The following PGR variants were observed in gnomAD, a reference collection of about 807,000 sequenced individuals.
PGR encodes progesterone receptor.
PGR carries 25 observed loss-of-function variants against 76.1 expected under a neutral mutation model. The ratio of observed to expected loss-of-function variants is 0.33; its 90% CI spans 0.24 to 0.46. The LOEUF (loss-of-function observed/expected upper bound fraction) is 0.46, where lower values mean the gene tolerates loss of function less well. Among genes scored for constraint, PGR ranks in the 20% least tolerant of loss-of-function variants. The probability of loss-of-function intolerance (pLI) is 1.00; values close to 1 mark genes in which losing one functional copy is unlikely to be tolerated. For missense variants in PGR, 1,172 were observed against 1,225.3 expected (o/e 0.96, Z 0.65); for synonymous variants, 579 against 535.0 (o/e 1.08, Z -1.14).
chr11:101,039,030 A>G lies in PGR; in HGVS notation c.*86T>C, dbSNP rs1447205825. 2.1e-6 allele frequency: 2 copies of G among 975,474 alleles called. No homozygotes were observed. The highest frequency in any genetic ancestry group is 3.2e-6 in the Non-Finnish European group (2 of 622,960). 60.4% of individuals were successfully genotyped at this position (975,474 alleles called of 1,614,324 possible). A position where few individuals can be genotyped will look rare whatever the true frequency, so the allele number is the denominator to read the frequency against. On this transcript the variant is annotated 3_prime_UTR_variant, in exon 8 of 8. Coordinates refer to ENST00000325455, the MANE Select transcript of PGR (RefSeq NM_000926.4). The stretch of plus-strand genomic sequence containing the variant: ...ATAAATGTAAGGCTTTCAGAAGAAC[A>G]TTATAAAAACTCAAGACCTCATAAT...
chr11:101,127,387 A>G, intron 1 of PGR, 47 bp downstream of exon 1: 1 of 1,419,742 alleles, frequency 7.0e-7, no homozygotes, highest in Non-Finnish European at 9.4e-7. Flanking sequence ...CGCCAACGGA[A>G]CCGCTACTCC....
intron 4 of PGR, among the ~76,000 whole-genome samples, chr11:101,052,425 T>C (rs1035362939): frequency 4.6e-5 from 7 of 151,904 alleles, no homozygotes; most frequent in Admixed American, 1.3e-4. Context: ...GAATCTTGAC[T>C]TAATCATCAC....
chr11:101,100,129 A>T (rs929808567), intron 2 of PGR, among the ~76,000 whole-genome samples: 7 of 152,146 alleles, frequency 4.6e-5, no homozygotes, highest in Non-Finnish European at 1.0e-4. Flanking sequence ...TAATCCCATA[A>T]TCCCCCCATG....
chr11:101,109,281 G>A (rs78730706), intron 2 of PGR, among the ~76,000 whole-genome samples: 2,181 of 152,264 alleles, frequency 0.014, 16 homozygotes, highest in Non-Finnish European at 0.023. Flanking sequence ...ATTAAGCTTC[G>A]TGAGGGAGGA....
Position 101,051,472 on chromosome 11 carries a change from T to A in PGR, c.2309A>T (p.His770Leu), listed in dbSNP as rs757658864. The A allele has an allele frequency of 6.2e-7, 1 of 1,609,188 alleles. No homozygotes were observed. Among genetic ancestry groups the A allele is most frequent in the Non-Finnish European group, 8.5e-7 (1 of 1,175,752 alleles). ...VFGLGWRSYKHVSGQMLYFAP... is the reference protein window; with the variant it reads ...VFGLGWRSYKLVSGQMLYFAP... The stretch of plus-strand genomic sequence containing the variant: ...AAAATACAGCATCTGCCCACTGACG[T>A]GTTTGTAGGATCTCCATCCTAGACC... Residue 770 changes from histidine to leucine, a missense_variant, in exon 5 of 8, where the codon CAC becomes CTC. His to Leu is a moderately conservative substitution (Grantham distance 99). Coordinates refer to ENST00000325455, the MANE Select transcript of PGR (RefSeq NM_000926.4).
At chr11:101,057,939 TG>T (rs1295066889) in intron 4 of PGR, among the ~76,000 whole-genome samples, 1 of 152,132 alleles carries the variant, frequency 6.6e-6, no homozygotes. Flanking sequence ...TAGTGGTAGT[TG>T]AAGACAAGAC....
chr11:101,121,096 A>G (rs1365430367), intron 2 of PGR, among the ~76,000 whole-genome samples: 1 of 152,262 alleles, frequency 6.6e-6, no homozygotes, highest in Non-Finnish European at 1.5e-5. Context: ...CATGCTAAAT[A>G]GTAAACTGAG....
chr11:101,127,529 T>A lies in PGR; in HGVS notation c.1542A>T (p.Ala514=). 6.7e-7 allele frequency: 1 copy of A among 1,500,516 alleles called. No individual in the cohort carries two copies. The highest frequency in any genetic ancestry group is 8.9e-7 in the Non-Finnish European group (1 of 1,128,024). The allele number at this position is 1,500,516 out of a possible 1,614,324, so 93.0% of individuals were successfully genotyped here. ...GCTGCGGGAGCCCGTTGAGGCCGAG[T>A]GCAGGGTAGAGCGCGGGGGCCGCCC... ...AAGAAPALYP[A]LGLNGLPQLG... is the part of the protein sequence containing the mutation. Residue 514 remains alanine, a synonymous_variant, in exon 1 of 8, where the codon GCA becomes GCT. Transcript: ENST00000325455.
At chr11:101,067,626 A>T (rs998515831) in intron 3 of PGR, among the ~76,000 whole-genome samples, 2 of 152,122 alleles carry the variant, frequency 1.3e-5, no homozygotes, top group Non-Finnish European at 2.9e-5. Flanking sequence ...AGAAACTCTC[A>T]CACATGAACC....
intron 4 of PGR, among the ~76,000 whole-genome samples, chr11:101,052,308 TG>T (rs1490559326): frequency 7.0e-6 from 1 of 143,734 alleles, no homozygotes; most frequent in Non-Finnish European, 1.5e-5. Context: ...TGTGTGTGTG[TG>T]TGTGTGTGTG....
chr11:101,080,358 A>G (rs1236750167), intron 3 of PGR, among the ~76,000 whole-genome samples: 1 of 152,076 alleles, frequency 6.6e-6, no homozygotes, highest in Non-Finnish European at 1.5e-5. Context: ...GTAGAATCAA[A>G]GTGAAAAGAT....
rs1024241697 is a variant in PGR, at chr11:101,036,683, T to C, written c.*2433A>G. ...CTTAGCCTTAAATATTAAATCCTAG[T>C]GTTTAGACATCTACATTGCAGACAG... On this transcript the variant is annotated 3_prime_UTR_variant, in exon 8 of 8. Transcript: ENST00000325455. 2.5e-5 allele frequency: 5 copies of C among 201,682 alleles called. No homozygotes were observed. In the Admixed American group the frequency reaches 3.0e-4, roughly 12 times the overall value. 12.5% of individuals were successfully genotyped at this position (201,682 alleles called of 1,614,324 possible). A position where few individuals can be genotyped will look rare whatever the true frequency, so the allele number is the denominator to read the frequency against.
rs1859480392 is a variant in PGR at position 101,035,519 on chromosome 11, T to G, written c.*3597A>C. ...ATGTTTTTTGGGTTGATGACTTCAT[T>G]GTAATTTCTAAACCCATTGTTCCCT... is the stretch of plus-strand genomic sequence containing the variant. On this transcript the variant is annotated 3_prime_UTR_variant, in exon 8 of 8. Transcript: ENST00000325455. 1 of 232,176 alleles carries G rather than the reference T, an allele frequency of 4.3e-6. No individual in the cohort carries two copies. The highest frequency in any genetic ancestry group is 8.5e-6 in the Non-Finnish European group (1 of 117,482). The allele number at this position is 232,176 out of a possible 1,614,324, so 14.4% of individuals were successfully genotyped here. A position where few individuals can be genotyped will look rare whatever the true frequency, so the allele number is the denominator to read the frequency against.
chr11:101,056,794 A>G (rs1343133549), intron 4 of PGR, among the ~76,000 whole-genome samples: 1 of 152,214 alleles, frequency 6.6e-6, no homozygotes, highest in East Asian at 1.9e-4. Flanking sequence ...AGAGCATTAA[A>G]TATCTCAGCA....
At position 101,046,292 on chromosome 11, in the gene PGR, A is replaced by ATTT. The variant is rs540943297; in HGVS notation, c.2488+3634_2488+3636dup. ...AGGCACTTGCCACTACGCCTGGCTA[A>ATTT]TTTTTTTTTTTTTTTTTTTTTTTTT... On this transcript the variant is annotated intron_variant, in intron 6 of 7. Coordinates refer to ENST00000325455, the MANE Select transcript of PGR (RefSeq NM_000926.4). Among the ~76,000 whole-genome samples the ATTT allele has an allele frequency of 4.2e-4, 28 of 66,292 alleles. 1 individual carries two copies. Among genetic ancestry groups the ATTT allele is most frequent in the African/African-American group, 4.5e-4 (6 of 13,338 alleles). The allele number at this position is 66,292 out of a possible 152,430, so 43.5% of individuals were successfully genotyped here.
rs140175696 is a variant in PGR at position 101,031,570 on chromosome 11, A to G, written c.*7546T>C. ...GCTGTGGAGGGCTCATGAAGTCACA[A>G]TGTTCTACTGAGAATTTAGCTTTTT... is the stretch of plus-strand genomic sequence containing the variant. On this transcript the variant is annotated 3_prime_UTR_variant, in exon 8 of 8. Coordinates refer to ENST00000325455, the MANE Select transcript of PGR (RefSeq NM_000926.4). 2.3e-5 allele frequency: 5 copies of G among 221,932 alleles called. No individual in the cohort carries two copies. The East Asian group carries it at 3.3e-4, about 14-fold the overall frequency. The allele number at this position is 221,932 out of a possible 1,614,324, so 13.7% of individuals were successfully genotyped here.
At chr11:101,083,271 G>A (rs979278257) in intron 3 of PGR, among the ~76,000 whole-genome samples, 28 of 152,346 alleles carry the variant, frequency 1.8e-4, no homozygotes, top group Non-Finnish European at 2.5e-4. Flanking sequence ...AGATTTCAGA[G>A]GATGTATGGA....
At chr11:101,053,688 TTC>T (rs1035510210) in intron 4 of PGR, among the ~76,000 whole-genome samples, 1 of 145,578 alleles carries the variant, frequency 6.9e-6, no homozygotes, top group African/African-American at 2.6e-5. Flanking sequence ...CCCTCCTTTC[TTC>T]TCTCACTCCC....
chr11:101,034,759 T>A lies in PGR; in HGVS notation c.*4357A>T, dbSNP rs1202813192. Reference sequence around the variant, plus strand: ...GTTCAGCTTGGATTCATCTTATGGATGTTGACTAATCTGGCTTGGATTATA... The same window carrying A: ...GTTCAGCTTGGATTCATCTTATGGAAGTTGACTAATCTGGCTTGGATTATA... On this transcript the variant is annotated 3_prime_UTR_variant, in exon 8 of 8. Coordinates refer to ENST00000325455, the MANE Select transcript of PGR (RefSeq NM_000926.4). 5.7e-6 allele frequency: 1 copy of A among 175,590 alleles called. No individual in the cohort carries two copies. The highest frequency in any genetic ancestry group is 1.2e-5 in the Non-Finnish European group (1 of 81,394). The allele number at this position is 175,590 out of a possible 1,614,324, so 10.9% of individuals were successfully genotyped here. A position where few individuals can be genotyped will look rare whatever the true frequency, so the allele number is the denominator to read the frequency against.
Sources: gnomAD v4.1 joint callset for allele counts (sites outside exome capture counted in the v4.1 genomes callset) on GRCh38, gnomAD v4.1.1 for gene constraint, MANE v1.5 for transcripts, NCBI Gene and HGNC (gene_info 2026-07-23, HGNC 2026-07-21) for gene names.